The following ADCY6 variants were observed in gnomAD, a reference collection of about 807,000 sequenced individuals.
ADCY6 encodes the protein adenylate cyclase 6, also known as adenylate cyclase type 6.
A neutral mutation model predicts 111.6 loss-of-function variants in ADCY6; 59 were observed. The observed-to-expected ratio is 0.53, with a 90% CI of 0.43 to 0.66. The LOEUF is 0.66. ADCY6 is among the 30% of genes least tolerant of loss of function. The pLI is 0.00. For synonymous variants in ADCY6, 576 were observed against 642.9 expected, an observed-to-expected ratio of 0.90 and a Z score of 1.57; for missense variants, 1,242 against 1,595.6, an observed-to-expected ratio of 0.78 and a Z score of 3.78.
rs924430922 is a variant in ADCY6 at position 48,776,817 on chromosome 12, G to C, written c.1377-231C>G. 6.6e-6 allele frequency among the ~76,000 whole-genome samples: 1 copy of C among 152,180 alleles called. No individual in the cohort carries two copies. The highest frequency in any genetic ancestry group is 2.1e-4 in the South Asian group (1 of 4,824). On this transcript the variant is annotated intron_variant, in intron 6 of 21. Coordinates refer to ENST00000357869, the MANE Select transcript of ADCY6 (RefSeq NM_015270.5). This position sits in a 1 kb window ranked among gnomAD's most constrained non-coding sequence, Gnocchi z 6.1. ...GCAGCATCTTATGGAACTGAGCTAG[G>C]AGAAGAGGAATCACTGTTATCCCCT...
chr12:48,775,867 T>C (rs1941684833), intron 9 of ADCY6, 96 bp downstream of exon 9: 6 of 1,532,084 alleles, frequency 3.9e-6, no homozygotes, highest in Admixed American at 4.0e-5. Context: ...AAAGCATACA[T>C]GGAAATGGCA....
chr12:48,776,771 G>C lies in ADCY6; in HGVS notation c.1377-185C>G, dbSNP rs1941715852. 6.6e-6 allele frequency among the ~76,000 whole-genome samples: 1 copy of C among 152,186 alleles called. No homozygotes were observed. The highest frequency in any genetic ancestry group is 2.1e-4 in the South Asian group (1 of 4,836). ...GGGCTCAAGGACAAATGTTAAGGCT[G>C]TGTTCAACAGCAGGGGCCCAGCAGC... On this transcript the variant is annotated intron_variant, in intron 6 of 21. Coordinates refer to ENST00000357869, the MANE Select transcript of ADCY6 (RefSeq NM_015270.5). The surrounding 1 kb of genome is among the most constrained non-coding windows in gnomAD (Gnocchi z 6.1).
intron 1 of ADCY6, among the ~76,000 whole-genome samples, chr12:48,785,487 C>T (rs1372871601): frequency 1.3e-5 from 2 of 152,134 alleles, no homozygotes; most frequent in Admixed American, 6.5e-5. Context: ...GGCATGGTGG[C>T]GCATGCCTGT....
At chr12:48,769,097 C>T (rs201458695) in intron 20 of ADCY6, 36 bp from the exon 21 acceptor site, 175 of 1,568,450 alleles carry the variant, frequency 1.1e-4, no homozygotes, top group Non-Finnish European at 1.4e-4. Context: ...CTAGTGGATG[C>T]TCCAGGGTAA....
rs1941471623 is a variant in ADCY6, at chr12:48,769,580, CTTTCT to C, written c.3257-524_3257-520del. Among the ~76,000 whole-genome samples the C allele has an allele frequency of 2.0e-5, 3 of 150,774 alleles. No homozygotes were observed. In the South Asian group the frequency reaches 6.3e-4, roughly 32 times the overall value. The stretch of plus-strand genomic sequence containing the variant: ...AGTAAGCATTTTACCTGGCTTCATC[CTTTCT>C]TTTCTTTTTTTTTTTTTTTGAGATG... On this transcript the variant is annotated intron_variant, in intron 20 of 21. Transcript: ENST00000357869.
rs1941579124 is a variant in ADCY6 at position 48,772,533 on chromosome 12, T to C, written c.2632A>G (p.Asn878Asp). The C allele has an allele frequency of 2.5e-6, 4 of 1,614,064 alleles. No individual in the cohort carries two copies. The Admixed American group carries it at 6.7e-5, about 27-fold the overall frequency. The change falls in exon 17 of 22, where the codon AAT (asparagine) becomes GAT (aspartate). Residue 878 changes from asparagine (N) to aspartate (D), a missense_variant. This residue lies in a region of ADCY6 where 375 missense variants were observed against 432.5 expected (regional missense o/e 0.87). Transcript: ENST00000357869. ...CAGTCCAGCCCATCAAAGGTCTCAT[T>C]GGAAGAAGCCCTGGTAAGAAGATAG... The part of the protein sequence containing the change: ...LLGVHGLASS[N>D]ETFDGLDCPA...
At chr12:48,789,417 C>G (rs77559288), upstream of ADCY6, among the ~76,000 whole-genome samples, 12,304 of 152,162 alleles carry the variant, frequency 0.081, 779 homozygotes, top group African/African-American at 0.17. Context: ...CATTCCTCTC[C>G]CGCCCTCACC....
chr12:48,782,910 G>A lies in ADCY6; in HGVS notation c.525C>T (p.Arg175=), dbSNP rs145026035. The change falls in exon 2 of 22, where the codon CGC becomes CGT. Residue 175 remains arginine, a synonymous_variant. Transcript: ENST00000357869. The surrounding 1 kb of genome is among the most constrained non-coding windows in gnomAD (Gnocchi z 4.3). ...VLLAFHAAPA[R]PQPAYVALLA... is the part of the protein sequence containing the mutation. ...ACAGTGCCACATAGGCAGGCTGAGG[G>A]CGGGCGGGTGCGGCGTGGAAAGCCA... is the stretch of plus-strand genomic sequence containing the variant. 8.7e-6 allele frequency: 14 copies of A among 1,613,426 alleles called. No individual in the cohort carries two copies. The highest frequency in any genetic ancestry group is 1.2e-5 in the Non-Finnish European group (14 of 1,179,926).
In ADCY6 at chr12:48,771,450, T is replaced by G; in HGVS notation, c.3051+260A>C. ...TTCTTCTTCAGTGACATCCACCTGG[T>G]ACCTATCCTATCCCCCTACAGATCA... On this transcript the variant is annotated intron_variant, in intron 19 of 21. Coordinates refer to ENST00000357869, the MANE Select transcript of ADCY6 (RefSeq NM_015270.5). This position sits in a 1 kb window ranked among gnomAD's most constrained non-coding sequence, Gnocchi z 4.3. The G allele has an allele frequency of 1.7e-6, 1 of 600,976 alleles. No individual in the cohort carries two copies. The allele number at this position is 600,976 out of a possible 1,614,324, so 37.2% of individuals were successfully genotyped here. A position where few individuals can be genotyped will look rare whatever the true frequency, so the allele number is the denominator to read the frequency against.
chr12:48,773,596 G>T lies in ADCY6; in HGVS notation c.2494C>A (p.His832Asn). Residue 832 changes from histidine to asparagine, a missense_variant, in exon 16 of 22, where the codon CAC becomes AAC. This residue lies in a region of ADCY6 where 375 missense variants were observed against 432.5 expected (regional missense o/e 0.87). Coordinates refer to ENST00000357869, the MANE Select transcript of ADCY6 (RefSeq NM_015270.5). ...LSLLASSVFL[H>N]ISSIGKLAMI... is the part of the protein sequence containing the mutation. ...GCCAACTTCCCGATGCTGCTGATGTGCAGGAAGACAGAGCTGGCCAAGAGA... is the reference window on the plus strand; with the variant it reads ...GCCAACTTCCCGATGCTGCTGATGTTCAGGAAGACAGAGCTGGCCAAGAGA... 2 of 1,614,132 alleles carry T rather than the reference G, an allele frequency of 1.2e-6. No individual in the cohort carries two copies. The highest frequency in any genetic ancestry group is 1.7e-6 in the Non-Finnish European group (2 of 1,180,014).
rs984894654 is a variant in ADCY6, at chr12:48,775,704, G to A, written c.1807-6C>T. On this transcript the variant is annotated splice_polypyrimidine_tract_variant and splice_region_variant and intron_variant, in intron 9 of 21. Coordinates refer to ENST00000357869, the MANE Select transcript of ADCY6 (RefSeq NM_015270.5). ...TTGCTGGAATCATCAATGCCCTGGA[G>A]AAAGGGACAGAGTGTGGAGTGAGGT... 1 of 1,613,372 alleles carries A rather than the reference G, an allele frequency of 6.2e-7. No individual in the cohort carries two copies. Among genetic ancestry groups the A allele is most frequent in the Non-Finnish European group, 8.5e-7 (1 of 1,179,496 alleles).
At chr12:48,788,375 T>C (rs1259649552) in intron 1 of ADCY6, among the ~76,000 whole-genome samples, 1 of 152,172 alleles carries the variant, frequency 6.6e-6, no homozygotes, top group East Asian at 1.9e-4. Context: ...CCCCAGAGTC[T>C]GCTTTGAATA....
Position 48,771,074 on chromosome 12 carries a change from T to C in ADCY6, c.3052-104A>G. The C allele has an allele frequency of 8.7e-7, 1 of 1,146,926 alleles. No individual in the cohort carries two copies. Among genetic ancestry groups the C allele is most frequent in the Non-Finnish European group, 1.2e-6 (1 of 802,444 alleles). 71.0% of individuals were successfully genotyped at this position (1,146,926 alleles called of 1,614,324 possible). A position where few individuals can be genotyped will look rare whatever the true frequency, so the allele number is the denominator to read the frequency against. On this transcript the variant is annotated intron_variant, in intron 19 of 21. Transcript: ENST00000357869. This position sits in a 1 kb window ranked among gnomAD's most constrained non-coding sequence, Gnocchi z 4.3. ...GCCTTGGCTGCCTTCCCCACTTCCC[T>C]GTCTCAAGAGCCCCCTTCCAGCTGC...
chr12:48,768,715 A>G lies in ADCY6; in HGVS notation c.3383T>C (p.Val1128Ala). The G allele has an allele frequency of 1.2e-6, 2 of 1,613,776 alleles. No individual in the cohort carries two copies. The highest frequency in any genetic ancestry group is 1.7e-6 in the Non-Finnish European group (2 of 1,179,762). ...TAGAACCTGGTACAGGTCCGTGGTCACCTGGGGGAGTGGGAGGGGAGCCCG... is the reference window on the plus strand; with the variant it reads ...TAGAACCTGGTACAGGTCCGTGGTCGCCTGGGGGAGTGGGAGGGGAGCCCG... Reference protein sequence around the residue: ...DSTGVPDRIQVTTDLYQVLAA... With the variant: ...DSTGVPDRIQATTDLYQVLAA... The change falls in exon 22 of 22, where the codon GTG becomes GCG. Residue 1128 changes from valine (V) to alanine (A), a missense_variant and splice_region_variant. Transcript: ENST00000357869.
rs775809946 is a variant in ADCY6, at chr12:48,772,520, T to A, written c.2645A>T (p.Asp882Val). 5.0e-6 allele frequency: 8 copies of A among 1,614,128 alleles called. No individual in the cohort carries two copies. The highest frequency in any genetic ancestry group is 6.8e-6 in the Non-Finnish European group (8 of 1,180,012). Residue 882 changes from aspartate to valine, a missense_variant, in exon 17 of 22, where the codon GAT becomes GTT. By Grantham distance (152) the Asp-to-Val change is radical. Coordinates refer to ENST00000357869, the MANE Select transcript of ADCY6 (RefSeq NM_015270.5). Reference sequence around the variant, plus strand: ...AGCCCTCACTTACCAGTCCAGCCCATCAAAGGTCTCATTGGAAGAAGCCCT... The same window carrying A: ...AGCCCTCACTTACCAGTCCAGCCCAACAAAGGTCTCATTGGAAGAAGCCCT... ...HGLASSNETFDGLDCPAAGRV... is the reference protein window; with the variant it reads ...HGLASSNETFVGLDCPAAGRV...
intron 2 of ADCY6, chr12:48,778,489 C>T: frequency 1.9e-6 from 1 of 538,692 alleles, no homozygotes; most frequent in East Asian, 3.3e-5. Flanking sequence ...GATCTTTTCA[C>T]AGCTTCTGGA....
chr12:48,772,126 C>A, intron 18 of ADCY6, 153 bp from the exon 19 acceptor site: 1 of 1,375,856 alleles, frequency 7.3e-7, no homozygotes, highest in South Asian at 1.5e-5. Context: ...GTAAAGGGGG[C>A]AGGTAGAGGA....
At chr12:48,774,144 G>A (rs1365209064) in intron 14 of ADCY6, 46 bp from the exon 15 acceptor site, 5 of 1,555,750 alleles carry the variant, frequency 3.2e-6, no homozygotes, top group Non-Finnish European at 4.4e-6. Flanking sequence ...GAGGGAAAGG[G>A]TTGCAAGGTA....
intron 2 of ADCY6, among the ~76,000 whole-genome samples, chr12:48,780,947 TC>T (rs1375455797): frequency 6.6e-6 from 1 of 152,148 alleles, no homozygotes; most frequent in Non-Finnish European, 1.5e-5. Flanking sequence ...ACGCTTGTAA[TC>T]CCAGCACTTT....
Sources: gnomAD v4.1 joint callset for allele counts (sites outside exome capture counted in the v4.1 genomes callset) on GRCh38, gnomAD v4.1.1 for gene constraint, gnomAD v4.1.1 regional missense constraint, Gnocchi (gnomAD v3.1) non-coding constraint, MANE v1.5 for transcripts, NCBI Gene and HGNC (gene_info 2026-07-23, HGNC 2026-07-21) for gene names.